The following CNTRL variants were observed in gnomAD, a reference collection of about 807,000 sequenced individuals.
CNTRL encodes the protein centriolin.
Under a neutral mutation model 303.7 loss-of-function variants are expected in CNTRL, and 233 were observed. The ratio of observed to expected loss-of-function variants is 0.77; its 90% CI spans 0.69 to 0.86. The LOEUF (loss-of-function observed/expected upper bound fraction) is 0.86. Ranked by LOEUF, CNTRL falls within the 40% of genes least tolerant of loss-of-function variation. CNTRL has a pLI of 0.00. For missense variants in CNTRL, 2,524 were observed against 2,650.6 expected, an observed-to-expected ratio of 0.95 and a Z score of 1.05; for synonymous variants, 900 against 922.2, an observed-to-expected ratio of 0.98 and a Z score of 0.44.
chr9:121,110,026 A>C (rs1016789617), intron 8 of CNTRL, among the ~76,000 whole-genome samples: 1 of 152,130 alleles, frequency 6.6e-6, no homozygotes, highest in Non-Finnish European at 1.5e-5. Flanking sequence ...AGAATATCTA[A>C]TGATAATATC....
rs750949371 is a variant in CNTRL, at chr9:121,158,263, A to AT, written c.4764+155dup. On this transcript the variant is annotated intron_variant, in intron 30 of 43. Transcript: ENST00000373855. ...TAAATTTGAATCCCAACTCAATACA[A>AT]TACTTCTGAATAAAAAAAGTGGGTC... 23 of 869,888 alleles carry AT rather than the reference A, an allele frequency of 2.6e-5. 1 individual carries two copies. Among genetic ancestry groups the AT allele is most frequent in the Non-Finnish European group, 3.4e-5 (20 of 587,272 alleles). The allele number at this position is 869,888 out of a possible 1,614,324, so 53.9% of individuals were successfully genotyped here.
At position 121,140,635 on chromosome 9, in the gene CNTRL, C is replaced by T. The variant is rs758397752; in HGVS notation, c.2338-6C>T. ...TAGATAATCCCTATTTCATCCCCCT[C>T]CATAGGATGACAATAATCTGTTAAA... On this transcript the variant is annotated splice_polypyrimidine_tract_variant and splice_region_variant and intron_variant, in intron 16 of 43. Coordinates refer to ENST00000373855, the MANE Select transcript of CNTRL (RefSeq NM_007018.6). 4 of 1,603,230 alleles carry T rather than the reference C, an allele frequency of 2.5e-6. No individual in the cohort carries two copies. The highest frequency in any genetic ancestry group is 3.4e-6 in the Non-Finnish European group (4 of 1,173,482).
chr9:121,133,896 C>T (rs969485795), intron 14 of CNTRL, among the ~76,000 whole-genome samples: 1 of 152,200 alleles, frequency 6.6e-6, no homozygotes, highest in East Asian at 1.9e-4. Flanking sequence ...TATGTATTTC[C>T]TATGAACAAG....
intron 38 of CNTRL, among the ~76,000 whole-genome samples, chr9:121,169,147 GA>G (rs1263817291): frequency 6.6e-6 from 1 of 152,256 alleles, no homozygotes; most frequent in East Asian, 1.9e-4. Context: ...TGAACATCAG[GA>G]AATGTTTTCC....
At chr9:121,149,199 C>CA (rs2052058537) in intron 24 of CNTRL, among the ~76,000 whole-genome samples, 1 of 152,184 alleles carries the variant, frequency 6.6e-6, no homozygotes, top group South Asian at 2.1e-4. Context: ...GTCCTTGCAT[C>CA]ACGGCATTAA....
Position 121,130,127 on chromosome 9 carries a change from A to G in CNTRL, c.2025+4191A>G, listed in dbSNP as rs1336370092. 5.3e-5 allele frequency among the ~76,000 whole-genome samples: 8 copies of G among 152,316 alleles called. 1 individual carries two copies. In the South Asian group the frequency reaches 1.0e-3, roughly 20 times the overall value. ...TGTTGTGTCTCTGCCAGGCTTTGGT[A>G]TCAGGATGATGCTGGCCTCATAAAA... On this transcript the variant is annotated intron_variant, in intron 14 of 43. Coordinates refer to ENST00000373855, the MANE Select transcript of CNTRL (RefSeq NM_007018.6).
chr9:121,087,625 AGGTTGCAGT>A (rs1262050750), intron 2 of CNTRL, among the ~76,000 whole-genome samples: 1 of 152,152 alleles, frequency 6.6e-6, no homozygotes, highest in Non-Finnish European at 1.5e-5. Flanking sequence ...TGGGAGGCAG[AGGTTGCAGT>A]GAGCCGAGAT....
chr9:121,168,065 T>G, intron 37 of CNTRL, 31 bp from the exon 38 acceptor site: 1 of 1,576,930 alleles, frequency 6.3e-7, no homozygotes, highest in Non-Finnish European at 8.7e-7. Flanking sequence ...ATTTGTTGTT[T>G]AATGACTAAT....
intron 25 of CNTRL, 51 bp from the exon 26 acceptor site, chr9:121,152,434 G>A: frequency 6.8e-7 from 1 of 1,464,056 alleles, no homozygotes; most frequent in Admixed American, 1.7e-5. Context: ...GGAAAGAGAG[G>A]AAACATCCTG....
chr9:121,113,801 GTC>G, intron 10 of CNTRL, 77 bp downstream of exon 10: 1 of 930,054 alleles, frequency 1.1e-6, no homozygotes, highest in East Asian at 2.9e-5. Context: ...TGTTTTATAA[GTC>G]TTTTAATTGA....
chr9:121,101,114 A>G (rs1367816648), intron 7 of CNTRL, among the ~76,000 whole-genome samples: 2 of 152,238 alleles, frequency 1.3e-5, no homozygotes, highest in Admixed American at 6.5e-5. Flanking sequence ...TCAGCACCAC[A>G]TTGCACTTAT....
At chr9:121,144,374 C>T (rs2051707221) in intron 20 of CNTRL, among the ~76,000 whole-genome samples, 1 of 152,158 alleles carries the variant, frequency 6.6e-6, no homozygotes, top group African/African-American at 2.4e-5. Context: ...TCAATATCTA[C>T]CTGGACAAGG....
At chr9:121,127,048 G>A (rs534642474) in intron 14 of CNTRL, among the ~76,000 whole-genome samples, 34 of 152,158 alleles carry the variant, frequency 2.2e-4, no homozygotes, top group African/African-American at 7.2e-4. Flanking sequence ...TCGAACTCCC[G>A]ACCTCAGGTG....
intron 14 of CNTRL, among the ~76,000 whole-genome samples, chr9:121,128,556 A>G (rs904678824): frequency 6.6e-6 from 1 of 152,024 alleles, no homozygotes; most frequent in Non-Finnish European, 1.5e-5. Flanking sequence ...TTGTCAGATG[A>G]GCAGATTGCA....
Position 121,168,306 on chromosome 9 carries a change from A to G in CNTRL, c.6055A>G (p.Thr2019Ala), listed in dbSNP as rs1314496777. 6.2e-7 allele frequency: 1 copy of G among 1,613,924 alleles called. No individual in the cohort carries two copies. Among genetic ancestry groups the G allele is most frequent in the Non-Finnish European group, 8.5e-7 (1 of 1,179,854 alleles). Residue 2019 changes from threonine (T) to alanine (A), a missense_variant, in exon 38 of 44, where the codon ACA (threonine) becomes GCA (alanine). Transcript: ENST00000373855. ...EERWCESLEK[T>A]LSQTKRQLSE... ...GAGGTGGTGTGAGAGCCTGGAGAAG[A>G]CACTCTCCCAAACTAGTATGTATTC...
chr9:121,173,597 T>C (rs2053400601), intron 41 of CNTRL, 78 bp from the exon 42 acceptor site: 1 of 1,608,838 alleles, frequency 6.2e-7, no homozygotes, highest in African/African-American at 1.3e-5. Context: ...GGTGCTGGGG[T>C]AGGGGAGGGA....
At chr9:121,173,938 G>T (rs889266939) in intron 42 of CNTRL, among the ~76,000 whole-genome samples, 1 of 152,186 alleles carries the variant, frequency 6.6e-6, no homozygotes, top group Non-Finnish European at 1.5e-5. Context: ...ATGACTTCTT[G>T]TGTTGACTCC....
At chr9:121,132,534 A>G (rs2050927686) in intron 14 of CNTRL, among the ~76,000 whole-genome samples, 1 of 152,150 alleles carries the variant, frequency 6.6e-6, no homozygotes, top group African/African-American at 2.4e-5. Flanking sequence ...CCATTCGTCT[A>G]ATCTTTTTTC....
chr9:121,122,858 C>G (rs1044541479), intron 12 of CNTRL, among the ~76,000 whole-genome samples: 4 of 152,070 alleles, frequency 2.6e-5, no homozygotes, highest in Admixed American at 2.6e-4. Context: ...TGTGAAAGCT[C>G]TGTTTTCCAC....
Sources: allele counts gnomAD v4.1 joint callset (sites outside exome capture counted in the v4.1 genomes callset), GRCh38; gene constraint gnomAD v4.1.1; transcripts MANE v1.5; gene names NCBI Gene and HGNC (gene_info 2026-07-23, HGNC 2026-07-21).